The following SURF4 variants were observed in gnomAD, a reference collection of about 807,000 sequenced individuals.
SURF4 encodes the protein surfeit 4, also known as surfeit locus protein 4.
A neutral mutation model predicts 30.0 loss-of-function variants in SURF4; 3 were observed. That is an observed-to-expected ratio of 0.10 (90% CI 0.05 to 0.26). SURF4 has a LOEUF of 0.26. Among genes scored for constraint, SURF4 ranks in the 10% least tolerant of loss-of-function variants. The pLI, the probability that SURF4 is intolerant of heterozygous loss-of-function variation, is 1.00. For synonymous variants in SURF4, 143 were observed against 139.9 expected, an observed-to-expected ratio of 1.02 and a Z score of -0.16; for missense variants, 217 against 350.8, an observed-to-expected ratio of 0.62 and a Z score of 3.05.
In SURF4 at chr9:133,366,594, T is replaced by G; in HGVS notation, c.312+5A>C. On this transcript the variant is annotated splice_donor_5th_base_variant and intron_variant, in intron 3 of 5. Transcript: ENST00000371989. Reference sequence around the variant, plus strand: ...AAGGGAGCCCCGACCACGCGGCCCGTGTACCTGCAGAGCTATGATTCCAAA... The same window carrying G: ...AAGGGAGCCCCGACCACGCGGCCCGGGTACCTGCAGAGCTATGATTCCAAA... 1 of 1,613,832 alleles carries G rather than the reference T, an allele frequency of 6.2e-7. No individual in the cohort carries two copies. The highest frequency in any genetic ancestry group is 8.5e-7 in the Non-Finnish European group (1 of 1,179,976).
chr9:133,365,586 A>T (rs1837120457), intron 4 of SURF4, among the ~76,000 whole-genome samples: 1 of 152,184 alleles, frequency 6.6e-6, no homozygotes, highest in South Asian at 2.1e-4. Flanking sequence ...ATAAAACTTA[A>T]AAATCACAAA....
intron 1 of SURF4, among the ~76,000 whole-genome samples, chr9:133,370,385 G>C (rs1248344990): frequency 6.6e-6 from 1 of 152,138 alleles, no homozygotes; most frequent in Non-Finnish European, 1.5e-5. Context: ...CTACTGCTTG[G>C]CTGTCCTGGT....
At chr9:133,377,358 G>A (rs1210279371), upstream of SURF4, among the ~76,000 whole-genome samples, 2 of 152,130 alleles carry the variant, frequency 1.3e-5, no homozygotes, top group East Asian at 1.9e-4. Context: ...CCCTCAGCCC[G>A]CTGTGGCTTA....
At position 133,366,790 on chromosome 9, in the gene SURF4, C is replaced by T. The variant is rs1335566703; in HGVS notation, c.236-115G>A. 5 of 859,950 alleles carry T rather than the reference C, an allele frequency of 5.8e-6. No individual in the cohort carries two copies. The East Asian group carries it at 1.3e-4, about 23-fold the overall frequency. The allele number at this position is 859,950 out of a possible 1,614,324, so 53.3% of individuals were successfully genotyped here. ...GGTCCAGAGGCAGCCAAACCACCTA[C>T]CCAAGCAAAAGACAACTTCTGGAAG... On this transcript the variant is annotated intron_variant, in intron 2 of 5. Transcript: ENST00000371989.
intron 1 of SURF4, among the ~76,000 whole-genome samples, chr9:133,374,390 TAA>T (rs1328793744): frequency 2.8e-5 from 4 of 140,570 alleles, no homozygotes; most frequent in Non-Finnish European, 4.7e-5. Flanking sequence ...CTGTTTCTAC[TAA>T]AAAAAAAAAA....
At chr9:133,366,900 G>A (rs2130134341) in intron 2 of SURF4, among the ~76,000 whole-genome samples, 66 of 152,346 alleles carry the variant, frequency 4.3e-4, no homozygotes, top group Non-Finnish European at 7.5e-4. Flanking sequence ...CCGTCATAAA[G>A]AATGGGCTGT....
chr9:133,361,818 C>T lies in SURF4; in HGVS notation c.*1675G>A, dbSNP rs913667296. 1.3e-5 allele frequency: 2 copies of T among 152,328 alleles called. No homozygotes were observed. The highest frequency in any genetic ancestry group is 6.5e-5 in the Admixed American group (1 of 15,284). The allele number at this position is 152,328 out of a possible 1,614,324, so 9.4% of individuals were successfully genotyped here. A position where few individuals can be genotyped will look rare whatever the true frequency, so the allele number is the denominator to read the frequency against. ...CAACCAACCTTGACCACAGAGAAAC[C>T]GTGACTTGGCCAAGGTCATTTGATG... On this transcript the variant is annotated 3_prime_UTR_variant, in exon 6 of 6. Coordinates refer to ENST00000371989, the MANE Select transcript of SURF4 (RefSeq NM_033161.4).
Position 133,363,508 on chromosome 9 carries a change from C to T in SURF4, c.795G>A (p.Lys265=), listed in dbSNP as rs1021189681. The T allele has an allele frequency of 6.2e-7, 1 of 1,614,230 alleles. No individual in the cohort carries two copies. Residue 265 remains lysine, a synonymous_variant, in exon 6 of 6, where the codon AAG becomes AAA. Coordinates refer to ENST00000371989, the MANE Select transcript of SURF4 (RefSeq NM_033161.4). This position sits in a 1 kb window ranked among gnomAD's most constrained non-coding sequence, Gnocchi z 4.3. Reference sequence around the variant, plus strand: ...TCTGTGACTGTTACCACTCCTTCTTCTTCTCATCCATGGAGACACCCCCAG... The same window carrying T: ...TCTGTGACTGTTACCACTCCTTCTTTTTCTCATCCATGGAGACACCCCCAG... ...LGPGGVSMDE[K]KKEW
rs1037971270 is a variant in SURF4, at chr9:133,375,252, G to A, written c.48+670C>T. Reference sequence around the variant, plus strand: ...TCAGAATGCCACCTGGACACTTCTGGAAGGAGACTATCAGGGAGATAGGCT... The same window carrying A: ...TCAGAATGCCACCTGGACACTTCTGAAAGGAGACTATCAGGGAGATAGGCT... On this transcript the variant is annotated intron_variant, in intron 1 of 5. Coordinates refer to ENST00000371989, the MANE Select transcript of SURF4 (RefSeq NM_033161.4). 6 of 985,358 alleles carry A rather than the reference G, an allele frequency of 6.1e-6. No homozygotes were observed. The African/African-American group carries it at 8.7e-5, about 14-fold the overall frequency. The allele number at this position is 985,358 out of a possible 1,614,324, so 61.0% of individuals were successfully genotyped here.
upstream of SURF4, among the ~76,000 whole-genome samples, chr9:133,377,148 A>G (rs2130252835): frequency 3.9e-5 from 6 of 152,316 alleles, no homozygotes; most frequent in African/African-American, 1.4e-4. Context: ...AGAGGACTAT[A>G]GGGCGTTGCC....
intron 1 of SURF4, among the ~76,000 whole-genome samples, chr9:133,369,011 A>T (rs2130165789): frequency 0.9 from 136,724 of 152,234 alleles, 61,476 homozygotes; most frequent in South Asian, 0.9. Flanking sequence ...CAGCATTTTT[A>T]AAAGTTGCTT....
intron 1 of SURF4, among the ~76,000 whole-genome samples, chr9:133,369,894 A>G (rs933960202): frequency 6.6e-6 from 1 of 152,202 alleles, no homozygotes; most frequent in Non-Finnish European, 1.5e-5. Context: ...GGCTGTCCAG[A>G]CCTCTGAGAT....
rs2130066041 is a variant in SURF4, at chr9:133,361,784, C to T, written c.*1709G>A. The T allele has an allele frequency of 1.3e-5, 2 of 152,496 alleles. No homozygotes were observed. Among genetic ancestry groups the T allele is most frequent in the East Asian group, 1.9e-4 (1 of 5,178 alleles). 9.4% of individuals were successfully genotyped at this position (152,496 alleles called of 1,614,324 possible). A position where few individuals can be genotyped will look rare whatever the true frequency, so the allele number is the denominator to read the frequency against. ...CTCCTTTGGTCCACCCTACTTTCCA[C>T]CAATCAGCCAACCAACCTTGACCAC... On this transcript the variant is annotated 3_prime_UTR_variant, in exon 6 of 6. Coordinates refer to ENST00000371989, the MANE Select transcript of SURF4 (RefSeq NM_033161.4).
rs149744232 is a variant in SURF4 at position 133,362,931 on chromosome 9, T to C, written c.*562A>G. 557 of 186,830 alleles carry C rather than the reference T, an allele frequency of 3.0e-3. 6 individuals are homozygous for C. Among genetic ancestry groups the C allele is most frequent in the African/African-American group, 0.013 (534 of 41,946 alleles). The allele number at this position is 186,830 out of a possible 1,614,324, so 11.6% of individuals were successfully genotyped here. ...TACCACCCCTTTAATACTGCATCAT[T>C]CTTTGGGTGTCCCTAAATGTTTTCA... On this transcript the variant is annotated 3_prime_UTR_variant, in exon 6 of 6. Transcript: ENST00000371989.
chr9:133,367,348 C>A lies in SURF4; in HGVS notation c.146G>T (p.Ser49Ile), dbSNP rs199692147. 7.9e-5 allele frequency: 128 copies of A among 1,614,144 alleles called. No homozygotes were observed. The highest frequency in any genetic ancestry group is 3.1e-5 in the Non-Finnish European group (36 of 1,180,062). Reference protein sequence around the residue: ...EDGIRMWFQWSEQRDYIDTTW... With the variant: ...EDGIRMWFQWIEQRDYIDTTW... ...GGTGTCGATGTAGTCGCGCTGCTCGCTCCACTGGAACCACATACGGATGCC... is the reference window on the plus strand; with the variant it reads ...GGTGTCGATGTAGTCGCGCTGCTCGATCCACTGGAACCACATACGGATGCC... The change falls in exon 2 of 6, where the codon AGC becomes ATC. Residue 49 changes from serine (S) to isoleucine (I), a missense_variant. By Grantham distance (142) the Ser-to-Ile change is moderately radical. Coordinates refer to ENST00000371989, the MANE Select transcript of SURF4 (RefSeq NM_033161.4).
intron 1 of SURF4, among the ~76,000 whole-genome samples, chr9:133,369,386 G>C (rs782111833): frequency 6.6e-6 from 1 of 152,182 alleles, no homozygotes; most frequent in African/African-American, 2.4e-5. Flanking sequence ...CCAGCACACC[G>C]TGTGACCTGG....
At chr9:133,367,619 G>C (rs1588712029) in intron 1 of SURF4, 174 bp from the exon 2 acceptor site, 2 of 1,483,772 alleles carry the variant, frequency 1.3e-6, no homozygotes, top group East Asian at 2.5e-5. Flanking sequence ...GCTTGCTCCT[G>C]AGCGCTACCC....
chr9:133,376,109 C>T (rs927073734), upstream of SURF4: 7 of 1,203,514 alleles, frequency 5.8e-6, no homozygotes, highest in South Asian at 4.2e-5. Flanking sequence ...CAGCGGCTGC[C>T]ACGTAGGCCA....
At chr9:133,373,666 C>T (rs1837641356) in intron 1 of SURF4, among the ~76,000 whole-genome samples, 1 of 151,458 alleles carries the variant, frequency 6.6e-6, no homozygotes, top group Non-Finnish European at 1.5e-5. Context: ...GCCTGTAATC[C>T]CAGCACTTTG....
Sources: gnomAD v4.1 joint callset for allele counts (sites outside exome capture counted in the v4.1 genomes callset) on GRCh38, gnomAD v4.1.1 for gene constraint, Gnocchi (gnomAD v3.1) non-coding constraint, MANE v1.5 for transcripts, NCBI Gene and HGNC (gene_info 2026-07-23, HGNC 2026-07-21) for gene names.